The following METRNL variants were observed in gnomAD, a reference collection of about 807,000 sequenced individuals.
METRNL encodes the protein meteorin like, glial cell differentiation regulator, also known as meteorin-like protein.
A neutral mutation model predicts 17.4 loss-of-function variants in METRNL; 9 were observed. The observed-to-expected ratio is 0.52, with a 90% CI of 0.31 to 0.90. The LOEUF is 0.90. Among genes scored for constraint, METRNL ranks in the 40% least tolerant of loss-of-function variants. METRNL has a pLI of 0.05. For synonymous variants in METRNL, 215 were observed against 199.3 expected (o/e 1.08, Z -0.66); for missense variants, 408 against 430.7 (o/e 0.95, Z 0.47).
intron 1 of METRNL, among the ~76,000 whole-genome samples, chr17:83,081,556 C>T (rs966975692): frequency 6.6e-6 from 1 of 152,168 alleles, no homozygotes; most frequent in Non-Finnish European, 1.5e-5. Flanking sequence ...GTGACAGCAG[C>T]GGGACAGGAG....
At chr17:83,081,807 ACTTC>A (rs1568334380) in intron 1 of METRNL, among the ~76,000 whole-genome samples, 1 of 152,020 alleles carries the variant, frequency 6.6e-6, no homozygotes, top group Non-Finnish European at 1.5e-5. Context: ...CGTAAGTGAG[ACTTC>A]CTTTTGTTGT....
intron 3 of METRNL, among the ~76,000 whole-genome samples, chr17:83,093,612 C>T (rs112118474): frequency 0.028 from 4,237 of 152,332 alleles, 187 homozygotes; most frequent in African/African-American, 0.093. Context: ...CCTTGCCCCC[C>T]ACCAGAGTTC....
intron 2 of METRNL, among the ~76,000 whole-genome samples, chr17:83,088,375 G>A (rs910728081): frequency 3.3e-5 from 5 of 152,350 alleles, no homozygotes; most frequent in Non-Finnish European, 7.3e-5. Context: ...CTTGGGGAAT[G>A]TGGGTGGGGG....
intron 2 of METRNL, among the ~76,000 whole-genome samples, chr17:83,086,893 G>C (rs2038058832): frequency 1.3e-5 from 2 of 152,288 alleles, no homozygotes; most frequent in South Asian, 4.1e-4. Flanking sequence ...TTTGGGAACA[G>C]AGACTTTGTC....
rs1600486016 is a variant in METRNL at position 83,085,067 on chromosome 17, T to C, written c.300T>C (p.Pro100=). 2.5e-6 allele frequency: 4 copies of C among 1,613,916 alleles called. No individual in the cohort carries two copies. The highest frequency in any genetic ancestry group is 3.4e-6 in the Non-Finnish European group (4 of 1,180,018). Residue 100 remains proline (P), a synonymous_variant, in exon 2 of 4, where the codon CCT becomes CCC. Transcript: ENST00000320095. ...IVNLRPNTFS[P]ARHLTVCIRS... Reference sequence around the variant, plus strand: ...ACCTGCGGCCCAACACCTTCTCGCCTGCCCGGCACCTGACCGTGTGCATCA... The same window carrying C: ...ACCTGCGGCCCAACACCTTCTCGCCCGCCCGGCACCTGACCGTGTGCATCA...
At chr17:83,088,862 A>G (rs2038082891) in intron 2 of METRNL, among the ~76,000 whole-genome samples, 1 of 152,128 alleles carries the variant, frequency 6.6e-6, no homozygotes. Flanking sequence ...GTGGAAGATA[A>G]TTCTCATTAT....
intron 1 of METRNL, among the ~76,000 whole-genome samples, chr17:83,083,074 C>T (rs1354005048): frequency 6.6e-6 from 1 of 152,200 alleles, no homozygotes; most frequent in Non-Finnish European, 1.5e-5. Flanking sequence ...TTGTCCTCTT[C>T]CTCTTTTTGC....
intron 2 of METRNL, among the ~76,000 whole-genome samples, chr17:83,088,575 C>T (rs914049850): frequency 8.5e-5 from 13 of 152,274 alleles, no homozygotes; most frequent in Non-Finnish European, 1.6e-4. Flanking sequence ...TGCCCAGGGC[C>T]GGGCAGCAGC....
intron 2 of METRNL, among the ~76,000 whole-genome samples, chr17:83,091,385 G>C (rs1236916610): frequency 2.0e-5 from 3 of 152,236 alleles, no homozygotes; most frequent in African/African-American, 7.2e-5. Flanking sequence ...GGAAAGTGCT[G>C]GCCTTGTCTC....
chr17:83,080,596 G>C (rs1372728465), intron 1 of METRNL, among the ~76,000 whole-genome samples: 1 of 121,276 alleles, frequency 8.2e-6, no homozygotes, highest in Non-Finnish European at 1.7e-5. Flanking sequence ...GGTGGCGGCC[G>C]AGGACTTTTT....
rs370676675 is a variant in METRNL at position 83,094,249 on chromosome 17, C to G, written c.617-7C>G. The stretch of plus-strand genomic sequence containing the variant: ...CACTCCCTGTCCCCATCTCCTTCCC[C>G]GCACAGCCGTTCGAGGCTCCATCCA... On this transcript the variant is annotated splice_region_variant and splice_polypyrimidine_tract_variant and intron_variant, in intron 3 of 3. Transcript: ENST00000320095. The G allele has an allele frequency of 4.5e-6, 7 of 1,556,798 alleles. No individual in the cohort carries two copies. The highest frequency in any genetic ancestry group is 6.1e-6 in the Non-Finnish European group (7 of 1,143,176).
chr17:83,091,206 C>T (rs1034146573), intron 2 of METRNL, among the ~76,000 whole-genome samples: 3 of 151,390 alleles, frequency 2.0e-5, no homozygotes, highest in Admixed American at 6.6e-5. Flanking sequence ...CAGGCTGGAC[C>T]GGCCTCGAGG....
Position 83,079,796 on chromosome 17 carries a change from G to A in METRNL, c.-20G>A, listed in dbSNP as rs1453144025. On this transcript the variant is annotated 5_prime_UTR_variant, in exon 1 of 4. Transcript: ENST00000320095. ...GGGGGTCGCGGACGCGGGGCCGGGC[G>A]GCGGAGCCGGCGCCAGAGCATGCGG... is the stretch of plus-strand genomic sequence containing the variant. The A allele has an allele frequency of 2.1e-6, 2 of 975,070 alleles. No individual in the cohort carries two copies. The highest frequency in any genetic ancestry group is 2.4e-6 in the Non-Finnish European group (2 of 824,338). 60.4% of individuals were successfully genotyped at this position (975,070 alleles called of 1,614,324 possible).
intron 2 of METRNL, among the ~76,000 whole-genome samples, chr17:83,091,234 T>C (rs985594346): frequency 1.3e-5 from 2 of 151,610 alleles, no homozygotes; most frequent in African/African-American, 2.4e-5. Context: ...AGTGCCAGGC[T>C]GGACCGGGCC....
In METRNL at chr17:83,079,962, C is replaced by T; in HGVS notation, c.147C>T (p.Ser49=). 2 of 1,015,244 alleles carry T rather than the reference C, an allele frequency of 2.0e-6. No individual in the cohort carries two copies. The highest frequency in any genetic ancestry group is 2.4e-6 in the Non-Finnish European group (2 of 850,920). 62.9% of individuals were successfully genotyped at this position (1,015,244 alleles called of 1,614,324 possible). A position where few individuals can be genotyped will look rare whatever the true frequency, so the allele number is the denominator to read the frequency against. ...GCGGCGCGGGCGCGCAGTACTCCAG[C>T]GACCGGTGCAGCTGGAAGGGGAGGT... ...LLGGAGAQYS[S]DRCSWKGSGL... The change falls in exon 1 of 4, where the codon AGC becomes AGT. Residue 49 remains serine (S), a synonymous_variant. Coordinates refer to ENST00000320095, the MANE Select transcript of METRNL (RefSeq NM_001004431.3).
chr17:83,086,590 T>C (rs938306031), intron 2 of METRNL, among the ~76,000 whole-genome samples: 4 of 152,230 alleles, frequency 2.6e-5, no homozygotes, highest in African/African-American at 9.6e-5. Flanking sequence ...GTTCAGTCTT[T>C]CTAACCGGAG....
chr17:83,089,886 A>G (rs2038097407), intron 2 of METRNL, among the ~76,000 whole-genome samples: 1 of 152,036 alleles, frequency 6.6e-6, no homozygotes, highest in Admixed American at 6.5e-5. Context: ...GGCTTCTAGC[A>G]GGCGAGGCTG....
intron 2 of METRNL, among the ~76,000 whole-genome samples, chr17:83,091,804 A>C (rs1024288137): frequency 6.6e-6 from 1 of 152,252 alleles, no homozygotes; most frequent in Non-Finnish European, 1.5e-5. Flanking sequence ...AACCAGTGCC[A>C]TTGAGATTTC....
rs781032442 is a variant in METRNL, at chr17:83,094,422, C to T, written c.783C>T (p.Gly261=). 1.4e-5 allele frequency: 23 copies of T among 1,602,020 alleles called. No individual in the cohort carries two copies. The highest frequency in any genetic ancestry group is 1.7e-4 in the Middle Eastern group (1 of 6,056). The change falls in exon 4 of 4, where the codon GGC becomes GGT. Residue 261 remains glycine (G), a synonymous_variant. Transcript: ENST00000320095. ...GCGTCAGGACGCTGCTGGAGTGTGG[C>T]GTGCGGCCGGGGCATGGCGACTTCC... The part of the protein sequence containing the change: ...QGRVRTLLEC[G]VRPGHGDFLF...
Sources: gnomAD v4.1 joint callset for allele counts (sites outside exome capture counted in the v4.1 genomes callset) on GRCh38, gnomAD v4.1.1 for gene constraint, MANE v1.5 for transcripts, NCBI Gene and HGNC (gene_info 2026-07-23, HGNC 2026-07-21) for gene names.